Variants in LY6G6F observed in about 807,000 individuals in gnomAD.
LY6G6F encodes the protein lymphocyte antigen 6 family member G6F.
A neutral mutation model predicts 33.0 loss-of-function variants in LY6G6F; 26 were observed. The ratio of observed to expected loss-of-function variants is 0.79; its 90% CI spans 0.58 to 1.09. The LOEUF (loss-of-function observed/expected upper bound fraction) is 1.09, where lower values mean the gene tolerates loss of function less well. Among genes scored for constraint, LY6G6F ranks in the 50% least tolerant of loss-of-function variants. The pLI is 0.00. For synonymous variants in LY6G6F, 132 were observed against 148.1 expected (o/e 0.89, Z 0.79); for missense variants, 317 against 372.0 (o/e 0.85, Z 1.22).
At position 31,708,122 on chromosome 6, in the gene LY6G6F, T is replaced by G; in HGVS notation, c.634T>G (p.Phe212Val). 1 of 1,546,860 alleles carries G rather than the reference T, an allele frequency of 6.5e-7. No homozygotes were observed. Among genetic ancestry groups the G allele is most frequent in the African/African-American group, 1.4e-5 (1 of 72,868 alleles). The change falls in exon 3 of 6, where the codon TTT (phenylalanine) becomes GTT (valine). Residue 212 changes from phenylalanine to valine, a missense_variant. Transcript: ENST00000375832. Reference sequence around the variant, plus strand: ...CATGACTCACAACAAAGGGGTCAGCTTTAGCCTGGCAGGTAAACTGAGGAA... The same window carrying G: ...CATGACTCACAACAAAGGGGTCAGCGTTAGCCTGGCAGGTAAACTGAGGAA... The part of the protein sequence containing the change: ...CLMTHNKGVS[F>V]SLAASIDASP...
rs141454939 is a variant in LY6G6F at position 31,708,090 on chromosome 6, G to T, written c.602G>T (p.Arg201Leu). Residue 201 changes from arginine to leucine, a missense_variant, in exon 3 of 6, where the codon CGC becomes CTC. Arg to Leu is a moderately radical substitution (Grantham distance 102, BLOSUM62 -2). Transcript: ENST00000375832. The part of the protein sequence containing the change: ...EPRSRRPRII[R>L]CLMTHNKGVS... The stretch of plus-strand genomic sequence containing the variant: ...AGGAGCCGAAGACCAAGAATCATCC[G>T]CTGCCTCATGACTCACAACAAAGGG... 52 of 1,600,522 alleles carry T rather than the reference G, an allele frequency of 3.2e-5. No homozygotes were observed. The African/African-American group carries it at 6.2e-4, about 19-fold the overall frequency.
At chr6:31,708,983 CCTTGATCT>C (rs559429582) in intron 3 of LY6G6F, among the ~76,000 whole-genome samples, 345 of 150,306 alleles carry the variant, frequency 2.3e-3, no homozygotes, top group African/African-American at 8.1e-3. Context: ...GCCAGGATGG[CCTTGATCT>C]CTTGACCTCA....
At position 31,707,746 on chromosome 6, in the gene LY6G6F, A is replaced by G. The variant is rs867149696; in HGVS notation, c.341A>G (p.Asn114Ser). ...TGCGCTGTGCTAGGTCAGCACCACA[A>G]CTACCAGAACTGGAGGGTGTACGAC... is the stretch of plus-strand genomic sequence containing the variant. Reference protein sequence around the residue: ...YWCAVLGQHHNYQNWRVYDVL... With the variant: ...YWCAVLGQHHSYQNWRVYDVL... The change falls in exon 2 of 6, where the codon AAC becomes AGC. Residue 114 changes from asparagine (N) to serine (S), a missense_variant. Transcript: ENST00000375832. The surrounding 1 kb of genome is among the most constrained non-coding windows in gnomAD (Gnocchi z 4.1). The G allele has an allele frequency of 5.6e-6, 9 of 1,614,152 alleles. No individual in the cohort carries two copies. The highest frequency in any genetic ancestry group is 1.3e-5 in the African/African-American group (1 of 75,046).
rs772004804 is a variant in LY6G6F, at chr6:31,707,523, A to G, written c.118A>G (p.Thr40Ala). 2 of 1,613,838 alleles carry G rather than the reference A, an allele frequency of 1.2e-6. No individual in the cohort carries two copies. Among genetic ancestry groups the G allele is most frequent in the East Asian group, 4.5e-5 (2 of 44,872 alleles). The change falls in exon 2 of 6, where the codon ACT (threonine) becomes GCT (alanine). Residue 40 changes from threonine to alanine, a missense_variant. Coordinates refer to ENST00000375832, the MANE Select transcript of LY6G6F (RefSeq NM_001003693.3). This position sits in a 1 kb window ranked among gnomAD's most constrained non-coding sequence, Gnocchi z 4.1. The part of the protein sequence containing the change: ...AVELPCPSPP[T>A]LHGDEHLSWF... ...AGAGCTGCCATGTCCCTCACCACCTACTCTACATGGGGACGAACACCTGTC... is the reference window on the plus strand; with the variant it reads ...AGAGCTGCCATGTCCCTCACCACCTGCTCTACATGGGGACGAACACCTGTC...
chr6:31,709,978 G>A, intron 3 of LY6G6F, 48 bp from the exon 4 acceptor site: 4 of 1,572,284 alleles, frequency 2.5e-6, no homozygotes, highest in Non-Finnish European at 3.5e-6. Flanking sequence ...CAGGGACAGG[G>A]CCCCTCACTA....
chr6:31,709,376 C>T (rs987663319), intron 3 of LY6G6F, among the ~76,000 whole-genome samples: 4 of 151,760 alleles, frequency 2.6e-5, no homozygotes, highest in Non-Finnish European at 4.4e-5. Flanking sequence ...TCTCCTGCCT[C>T]AGCCTCTCGA....
rs1362971836 is a variant in LY6G6F, at chr6:31,707,442, A to C, written c.53-16A>C. On this transcript the variant is annotated splice_polypyrimidine_tract_variant and intron_variant, in intron 1 of 5. Coordinates refer to ENST00000375832, the MANE Select transcript of LY6G6F (RefSeq NM_001003693.3). The surrounding 1 kb of genome is among the most constrained non-coding windows in gnomAD (Gnocchi z 4.1). ...CTGATGGAGGTCTCTGGCCTCATAC[A>C]ACCCTCTTCCCACAGACAACATGCA... 2.5e-6 allele frequency: 4 copies of C among 1,610,270 alleles called. No individual in the cohort carries two copies. The highest frequency in any genetic ancestry group is 3.4e-6 in the Non-Finnish European group (4 of 1,177,148).
In LY6G6F at chr6:31,706,903, C is replaced by T; in HGVS notation, c.-4C>T. 6.2e-7 allele frequency: 1 copy of T among 1,614,124 alleles called. No homozygotes were observed. Among genetic ancestry groups the T allele is most frequent in the Non-Finnish European group, 8.5e-7 (1 of 1,180,012 alleles). On this transcript the variant is annotated 5_prime_UTR_variant, in exon 1 of 6. Transcript: ENST00000375832. ...GGAGCAAGAGAACTTGGCAGGCTCT[C>T]CCCATGGCAGTCTTATTCCTCCTCC... is the stretch of plus-strand genomic sequence containing the variant.
At chr6:31,709,073 T>TTG (rs1805828991) in intron 3 of LY6G6F, among the ~76,000 whole-genome samples, 1 of 136,432 alleles carries the variant, frequency 7.3e-6, no homozygotes, top group African/African-American at 2.8e-5. Context: ...CCTTTTTTTT[T>TTG]TTTTTTTTTT....
In LY6G6F at chr6:31,710,206, A is replaced by T. The variant is rs779355072; in HGVS notation, c.802+25A>T. The T allele has an allele frequency of 1.1e-5, 17 of 1,607,844 alleles. No individual in the cohort carries two copies. Among genetic ancestry groups the T allele is most frequent in the Non-Finnish European group, 1.4e-5 (17 of 1,176,300 alleles). Reference sequence around the variant, plus strand: ...GGTGAGTCCCTCCCTCCCCGGGGAAAGAAGAGGGCACATGGGTGGGAGGCA... The same window carrying T: ...GGTGAGTCCCTCCCTCCCCGGGGAATGAAGAGGGCACATGGGTGGGAGGCA... On this transcript the variant is annotated intron_variant, in intron 4 of 5. Coordinates refer to ENST00000375832, the MANE Select transcript of LY6G6F (RefSeq NM_001003693.3). The surrounding 1 kb of genome is among the most constrained non-coding windows in gnomAD (Gnocchi z 4.7).
chr6:31,710,352 A>G lies in LY6G6F; in HGVS notation c.803A>G (p.Asp268Gly), dbSNP rs749287338. 2.5e-6 allele frequency: 4 copies of G among 1,613,988 alleles called. No individual in the cohort carries two copies. In the South Asian group the frequency reaches 3.3e-5, roughly 13 times the overall value. ...RQRVRGAPGR[D>G]ASIPQFKPEI... ...ATCCCTGATGGCTCCTTCTCCCCAG[A>G]TGCCTCGATTCCTCAGTTCAAACCC... is the stretch of plus-strand genomic sequence containing the variant. Residue 268 changes from aspartate to glycine, a missense_variant and splice_region_variant, in exon 5 of 6, where the codon GAT (aspartate) becomes GGT (glycine). By Grantham distance (94) the Asp-to-Gly change is moderately conservative (BLOSUM62 -1). Coordinates refer to ENST00000375832, the MANE Select transcript of LY6G6F (RefSeq NM_001003693.3). The surrounding 1 kb of genome is among the most constrained non-coding windows in gnomAD (Gnocchi z 4.7).
In LY6G6F at chr6:31,708,712, A is replaced by G. The variant is rs57541574; in HGVS notation, c.646+578A>G. The stretch of plus-strand genomic sequence containing the variant: ...GAGGCCGAAGCAGGCGGATCACTTG[A>G]GGTTGGGAGTTCAAGACCAGCCTGA... On this transcript the variant is annotated intron_variant, in intron 3 of 5. Coordinates refer to ENST00000375832, the MANE Select transcript of LY6G6F (RefSeq NM_001003693.3). 7.8e-3 allele frequency among the ~76,000 whole-genome samples: 1,182 copies of G among 152,148 alleles called. 16 individuals carry two copies. Among genetic ancestry groups the G allele is most frequent in the African/African-American group, 0.026 (1,093 of 41,496 alleles).
At position 31,706,899 on chromosome 6, in the gene LY6G6F, C is replaced by T. The variant is rs1377079574; in HGVS notation, c.-8C>T. 1.2e-6 allele frequency: 2 copies of T among 1,613,988 alleles called. No homozygotes were observed. The highest frequency in any genetic ancestry group is 3.3e-5 in the Admixed American group (2 of 59,996). ...TCTTGGAGCAAGAGAACTTGGCAGG[C>T]TCTCCCCATGGCAGTCTTATTCCTC... is the stretch of plus-strand genomic sequence containing the variant. On this transcript the variant is annotated 5_prime_UTR_variant, in exon 1 of 6. Transcript: ENST00000375832.
chr6:31,708,764 T>TA (rs1265926561), intron 3 of LY6G6F, among the ~76,000 whole-genome samples: 1 of 152,090 alleles, frequency 6.6e-6, no homozygotes, highest in Non-Finnish European at 1.5e-5. Context: ...CTGTCTCTAC[T>TA]AAAAATACAA....
At position 31,707,723 on chromosome 6, in the gene LY6G6F, C is replaced by T. The variant is rs371797909; in HGVS notation, c.318C>T (p.Cys106=). Residue 106 remains cysteine, a synonymous_variant, in exon 2 of 6, where the codon TGC becomes TGT. Transcript: ENST00000375832. The surrounding 1 kb of genome is among the most constrained non-coding windows in gnomAD (Gnocchi z 4.1). ...AGGAAGATGCCGGGCGGTACTGGTG[C>T]GCTGTGCTAGGTCAGCACCACAACT... ...SKEEDAGRYW[C]AVLGQHHNYQ... is the part of the protein sequence containing the mutation. The T allele has an allele frequency of 8.1e-6, 13 of 1,614,052 alleles. No individual in the cohort carries two copies. Among genetic ancestry groups the T allele is most frequent in the Middle Eastern group, 1.6e-4 (1 of 6,084 alleles).
chr6:31,707,490 G>A lies in LY6G6F; in HGVS notation c.85G>A (p.Glu29Lys), dbSNP rs745917261. 9 of 1,614,036 alleles carry A rather than the reference G, an allele frequency of 5.6e-6. No individual in the cohort carries two copies. In the African/African-American group the frequency reaches 1.1e-4, roughly 19 times the overall value. ...GCAGGCCATCTATGTGGCCTTGGGG[G>A]AGGCAGTAGAGCTGCCATGTCCCTC... ...NMQAIYVALG[E>K]AVELPCPSPP... Residue 29 changes from glutamate to lysine, a missense_variant, in exon 2 of 6, where the codon GAG (glutamate) becomes AAG (lysine). Glu to Lys is a moderately conservative substitution (Grantham distance 56, BLOSUM62 1). Coordinates refer to ENST00000375832, the MANE Select transcript of LY6G6F (RefSeq NM_001003693.3). The surrounding 1 kb of genome is among the most constrained non-coding windows in gnomAD (Gnocchi z 4.1).
chr6:31,709,231 C>G (rs1805841727), intron 3 of LY6G6F, among the ~76,000 whole-genome samples: 2 of 150,364 alleles, frequency 1.3e-5, no homozygotes, highest in South Asian at 4.2e-4. Context: ...GCCACCACGC[C>G]TGGCTAACTT....
chr6:31,710,227 A>G lies in LY6G6F; in HGVS notation c.802+46A>G. 1.2e-6 allele frequency: 2 copies of G among 1,607,644 alleles called. No homozygotes were observed. The highest frequency in any genetic ancestry group is 1.7e-6 in the Non-Finnish European group (2 of 1,176,082). On this transcript the variant is annotated intron_variant, in intron 4 of 5. Coordinates refer to ENST00000375832, the MANE Select transcript of LY6G6F (RefSeq NM_001003693.3). This position sits in a 1 kb window ranked among gnomAD's most constrained non-coding sequence, Gnocchi z 4.7. ...GGAAAGAAGAGGGCACATGGGTGGG[A>G]GGCAAAGGGCTAGGCTCACACCCCG...
At position 31,710,387 on chromosome 6, in the gene LY6G6F, G is replaced by A; in HGVS notation, c.838G>A (p.Val280Ile). 5 of 1,614,124 alleles carry A rather than the reference G, an allele frequency of 3.1e-6. No individual in the cohort carries two copies. The highest frequency in any genetic ancestry group is 4.2e-6 in the Non-Finnish European group (5 of 1,180,024). ...SIPQFKPEIQ[V>I]YENIHLARLG... ...TCCTCAGTTCAAACCCGAAATCCAG[G>A]TCTATGAGAACATCCATTTGGCCCG... The change falls in exon 5 of 6, where the codon GTC becomes ATC. Residue 280 changes from valine to isoleucine, a missense_variant. Physicochemically the swap from Val to Ile is conservative, Grantham distance 29. Transcript: ENST00000375832. This position sits in a 1 kb window ranked among gnomAD's most constrained non-coding sequence, Gnocchi z 4.7.
Sources: gnomAD v4.1 joint callset for allele counts (sites outside exome capture counted in the v4.1 genomes callset) on GRCh38, gnomAD v4.1.1 for gene constraint, Gnocchi (gnomAD v3.1) non-coding constraint, MANE v1.5 for transcripts, NCBI Gene and HGNC (gene_info 2026-07-23, HGNC 2026-07-21) for gene names.